TRPM8: variants seen among roughly 807,000 people sequenced by gnomAD.
TRPM8 encodes TRPM8 cationic channel.
A neutral mutation model predicts 133.7 loss-of-function variants in TRPM8; 110 were observed. That is an observed-to-expected ratio of 0.82 (90% CI 0.70 to 0.96). The LOEUF (loss-of-function observed/expected upper bound fraction) is 0.96. Ranked by LOEUF, TRPM8 falls within the 40% of genes least tolerant of loss-of-function variation. TRPM8 has a pLI of 0.00. For synonymous variants in TRPM8, 535 were observed against 532.3 expected (o/e 1.01, Z -0.07); for missense variants, 1,291 against 1,379.5 (o/e 0.94, Z 1.02).
chr2:233,942,082 T>G (rs1337124068), intron 5 of TRPM8, among the ~76,000 whole-genome samples: 1 of 143,116 alleles, frequency 7.0e-6, no homozygotes, highest in African/African-American at 2.9e-5. Context: ...TTTTTTTTTT[T>G]TTTTTTTTTC....
chr2:234,016,040 ATTCT>A (rs1188180039), intron 25 of TRPM8, among the ~76,000 whole-genome samples: 1 of 152,208 alleles, frequency 6.6e-6, no homozygotes, highest in Non-Finnish European at 1.5e-5. Context: ...CTCATCTCTC[ATTCT>A]TTCTCAAATG....
intron 5 of TRPM8, among the ~76,000 whole-genome samples, chr2:233,940,777 G>A (rs1054604350): frequency 6.6e-6 from 1 of 152,244 alleles, no homozygotes; most frequent in East Asian, 1.9e-4. Flanking sequence ...TTTATTCACA[G>A]GGTTGCCCAG....
At position 233,950,103 on chromosome 2, in the gene TRPM8, T is replaced by G. The variant is rs752659060; in HGVS notation, c.1097T>G (p.Val366Gly). 3 of 1,613,544 alleles carry G rather than the reference T, an allele frequency of 1.9e-6. No homozygotes were observed. Among genetic ancestry groups the G allele is most frequent in the Non-Finnish European group, 2.5e-6 (3 of 1,180,036 alleles). The change falls in exon 9 of 26, where the codon GTG becomes GGG. Residue 366 changes from valine to glycine, a missense_variant. Val to Gly is a moderately radical substitution (Grantham distance 109, BLOSUM62 -3). Transcript: ENST00000324695. ...EKLVRFLPRT[V>G]SRLPEEETES... ...CTGGTGCGCTTTTTACCCCGCACGGTGTCCCGGCTGCCTGAGGAGGAGACT... is the reference window on the plus strand; with the variant it reads ...CTGGTGCGCTTTTTACCCCGCACGGGGTCCCGGCTGCCTGAGGAGGAGACT...
At chr2:233,921,509 G>C (rs996947471) in intron 1 of TRPM8, among the ~76,000 whole-genome samples, 1 of 152,082 alleles carries the variant, frequency 6.6e-6, no homozygotes, top group Non-Finnish European at 1.5e-5. Context: ...CAAAGATGAG[G>C]GCCGCCATCC....
intron 24 of TRPM8, 90 bp downstream of exon 24, chr2:234,008,193 A>C: frequency 7.7e-7 from 1 of 1,295,392 alleles, no homozygotes; most frequent in Non-Finnish European, 1.1e-6. Context: ...TGTGATAATA[A>C]AAGAAGTTAT....
At chr2:233,930,173 C>A (rs1049099693) in intron 2 of TRPM8, among the ~76,000 whole-genome samples, 1 of 152,130 alleles carries the variant, frequency 6.6e-6, no homozygotes, top group Non-Finnish European at 1.5e-5. Context: ...TTAAGGGAAG[C>A]TTTTGGTTTA....
At chr2:233,970,697 G>C (rs1691691842) in intron 17 of TRPM8, among the ~76,000 whole-genome samples, 1 of 152,170 alleles carries the variant, frequency 6.6e-6, no homozygotes, top group South Asian at 2.1e-4. Context: ...AGTGTTCAAA[G>C]AGAAGAGAGA....
chr2:233,970,078 T>C, intron 16 of TRPM8, 132 bp from the exon 17 acceptor site: 1 of 870,334 alleles, frequency 1.1e-6, no homozygotes, highest in Non-Finnish European at 1.9e-6. Context: ...GGTTCCATCT[T>C]AGGACACGGT....
At chr2:234,006,152 T>C (rs1692690035) in intron 22 of TRPM8, among the ~76,000 whole-genome samples, 1 of 152,224 alleles carries the variant, frequency 6.6e-6, no homozygotes, top group Non-Finnish European at 1.5e-5. Context: ...TGTGTGAGCA[T>C]ATGTGCTCTC....
rs1196449067 is a variant in TRPM8, at chr2:234,018,137, G to T, written c.*881G>T. 2.0e-5 allele frequency: 3 copies of T among 151,958 alleles called. No homozygotes were observed. The highest frequency in any genetic ancestry group is 2.0e-4 in the Admixed American group (3 of 15,266). 9.4% of individuals were successfully genotyped at this position (151,958 alleles called of 1,614,324 possible). A position where few individuals can be genotyped will look rare whatever the true frequency, so the allele number is the denominator to read the frequency against. ...TCAAGTCTATTTTTTTTCTATGTAT[G>T]TCTCAATTCTCTTTCAAAATTTTAC... is the stretch of plus-strand genomic sequence containing the variant. On this transcript the variant is annotated 3_prime_UTR_variant, in exon 26 of 26. Transcript: ENST00000324695.
intron 9 of TRPM8, among the ~76,000 whole-genome samples, chr2:233,951,948 C>T (rs1402748717): frequency 1.3e-5 from 2 of 152,156 alleles, no homozygotes; most frequent in Non-Finnish European, 2.9e-5. Context: ...CCTGGACTCC[C>T]AGTTTCTTGA....
At position 233,996,109 on chromosome 2, in the gene TRPM8, C is replaced by A. The variant is rs538914643; in HGVS notation, c.2940-217C>A. Among the ~76,000 whole-genome samples the A allele has an allele frequency of 6.1e-4, 90 of 147,900 alleles. 1 individual carries two copies. The highest frequency in any genetic ancestry group is 3.5e-3 in the Middle Eastern group (1 of 284). ...TTTTGTGATTAAAAAAAAAAAAAAA[C>A]CACCAAAAGCCAGACACACTTTTGA... On this transcript the variant is annotated intron_variant, in intron 21 of 25. Transcript: ENST00000324695.
intron 12 of TRPM8, among the ~76,000 whole-genome samples, chr2:233,961,630 C>CTTTT (rs57935574): frequency 5.4e-5 from 6 of 111,614 alleles, no homozygotes; most frequent in Admixed American, 9.3e-5. Flanking sequence ...CTTTTCTTTT[C>CTTTT]TTTTTTTTTT....
In TRPM8 at chr2:233,989,784, A is replaced by G. The variant is rs1195954761; in HGVS notation, c.2939+3919A>G. On this transcript the variant is annotated intron_variant, in intron 21 of 25. Coordinates refer to ENST00000324695, the MANE Select transcript of TRPM8 (RefSeq NM_024080.5). The surrounding 1 kb of genome is among the most constrained non-coding windows in gnomAD (Gnocchi z 4.2). ...GGATGTGAACATCTGTGATTATTCT[A>G]CATTAAAATTATCGATCACAGGGCC... Among the ~76,000 whole-genome samples, 1 of 152,188 alleles carries G rather than the reference A, an allele frequency of 6.6e-6. No individual in the cohort carries two copies. Among genetic ancestry groups the G allele is most frequent in the Non-Finnish European group, 1.5e-5 (1 of 68,030 alleles).
chr2:233,954,784 G>A, intron 10 of TRPM8, among the ~76,000 whole-genome samples: 1 of 152,184 alleles, frequency 6.6e-6, no homozygotes, highest in Admixed American at 6.5e-5. Context: ...GTGGCTTATT[G>A]TTTCGTAGAT....
chr2:233,980,619 C>T (rs1442673383), intron 18 of TRPM8, among the ~76,000 whole-genome samples: 14 of 152,176 alleles, frequency 9.2e-5, no homozygotes, highest in Admixed American at 9.2e-4. Flanking sequence ...CCACCTGCCT[C>T]AGCCTCCCAA....
chr2:234,003,916 A>G (rs1477653409), intron 22 of TRPM8, among the ~76,000 whole-genome samples: 1 of 152,178 alleles, frequency 6.6e-6, no homozygotes, highest in Non-Finnish European at 1.5e-5. Flanking sequence ...TTCAGTGCCT[A>G]AATAAGGACA....
chr2:234,008,692 G>A (rs1017019680), intron 24 of TRPM8, among the ~76,000 whole-genome samples: 4 of 152,104 alleles, frequency 2.6e-5, no homozygotes, highest in Admixed American at 6.5e-5. Context: ...ATGGCATCCC[G>A]GATGATGACA....
At chr2:233,950,686 G>C (rs966139052) in intron 9 of TRPM8, among the ~76,000 whole-genome samples, 2 of 152,228 alleles carry the variant, frequency 1.3e-5, no homozygotes, top group Non-Finnish European at 2.9e-5. Context: ...GCAAAGCCCA[G>C]TGAGAGGAGA....
Sources: allele counts gnomAD v4.1 joint callset (sites outside exome capture counted in the v4.1 genomes callset), GRCh38; gene constraint gnomAD v4.1.1; non-coding constraint Gnocchi (gnomAD v3.1); transcripts MANE v1.5; gene names NCBI Gene and HGNC (gene_info 2026-07-23, HGNC 2026-07-21).